The following NTRK2 variants were observed in gnomAD, a reference collection of about 807,000 sequenced individuals.
The protein encoded by NTRK2 is BDNF/NT-3 growth factors receptor.
Under a neutral mutation model 94.5 loss-of-function variants are expected in NTRK2, and 13 were observed. The ratio of observed to expected loss-of-function variants is 0.14; its 90% CI spans 0.09 to 0.22. NTRK2 has a LOEUF of 0.22. Among genes scored for constraint, NTRK2 ranks in the 10% least tolerant of loss-of-function variants. The pLI, the probability that NTRK2 is intolerant of heterozygous loss-of-function variation, is 1.00. For missense variants in NTRK2, 639 were observed against 1,071.2 expected, an observed-to-expected ratio of 0.60 and a Z score of 5.63; for synonymous variants, 372 against 407.4, an observed-to-expected ratio of 0.91 and a Z score of 1.05.
rs1833054633 is a variant in NTRK2 at position 85,026,741 on chromosome 9, T to A, written c.*5304T>A. On this transcript the variant is annotated 3_prime_UTR_variant, in exon 19 of 19. Coordinates refer to ENST00000277120, the MANE Select transcript of NTRK2 (RefSeq NM_006180.6). ...ACACATTTCCATATCTCTCTACAGA[T>A]ATATTTCCCCTTCAATCGTGACCTG... 4.3e-6 allele frequency: 1 copy of A among 233,042 alleles called. No individual in the cohort carries two copies. The highest frequency in any genetic ancestry group is 6.1e-5 in the East Asian group (1 of 16,512). 14.4% of individuals were successfully genotyped at this position (233,042 alleles called of 1,614,324 possible).
At chr9:84,807,834 T>C (rs569949759) in intron 12 of NTRK2, among the ~76,000 whole-genome samples, 1 of 152,336 alleles carries the variant, frequency 6.6e-6, no homozygotes. Context: ...TGAAATCAAA[T>C]TAATTTTTCA....
At position 84,875,887 on chromosome 9, in the gene NTRK2, TAA is replaced by T. The variant is rs1435028226; in HGVS notation, c.1633+8457_1633+8458del. On this transcript the variant is annotated intron_variant, in intron 14 of 18. Coordinates refer to ENST00000277120, the MANE Select transcript of NTRK2 (RefSeq NM_006180.6). The stretch of plus-strand genomic sequence containing the variant: ...GTGTTGATATTTTGCACAGTAATAT[TAA>T]GTTTAAGAGATTATAAAAATGAGTT... 2.3e-5 allele frequency: 24 copies of T among 1,039,110 alleles called. No homozygotes were observed. In the East Asian group the frequency reaches 9.7e-4, roughly 42 times the overall value. 64.4% of individuals were successfully genotyped at this position (1,039,110 alleles called of 1,614,324 possible). A position where few individuals can be genotyped will look rare whatever the true frequency, so the allele number is the denominator to read the frequency against.
At chr9:84,749,467 A>T (rs567411125) in intron 11 of NTRK2, among the ~76,000 whole-genome samples, 124 of 152,318 alleles carry the variant, frequency 8.1e-4, no homozygotes, top group African/African-American at 2.9e-3. Flanking sequence ...TCTCAACCAC[A>T]TGCTTTGCAG....
chr9:84,889,008 T>TTTTTTTTTTG (rs2076512788), intron 14 of NTRK2, among the ~76,000 whole-genome samples: 2 of 113,144 alleles, frequency 1.8e-5, no homozygotes, highest in African/African-American at 6.9e-5. Context: ...TTTTTTTTTT[T>TTTTTTTTTTG]GAGACGGAGT....
chr9:84,746,001 C>T (rs2132398029), intron 11 of NTRK2, among the ~76,000 whole-genome samples: 1 of 152,224 alleles, frequency 6.6e-6, no homozygotes, highest in African/African-American at 2.4e-5. Context: ...ACAGAGCTTC[C>T]TGTGAGCTCT....
intron 5 of NTRK2, 59 bp downstream of exon 5, chr9:84,707,971 G>A (rs894210226): frequency 1.4e-6 from 2 of 1,392,266 alleles, no homozygotes; most frequent in African/African-American, 2.8e-5. Context: ...GGGTAATTAA[G>A]TATTTTTCTT....
chr9:84,683,464 G>T (rs2059516580), intron 2 of NTRK2, among the ~76,000 whole-genome samples: 1 of 152,062 alleles, frequency 6.6e-6, no homozygotes, highest in African/African-American at 2.4e-5. Flanking sequence ...TCCTGTGTTA[G>T]TTTGCTGAGA....
intron 2 of NTRK2, among the ~76,000 whole-genome samples, chr9:84,700,932 A>T (rs2060684118): frequency 1.3e-5 from 2 of 152,130 alleles, no homozygotes; most frequent in Admixed American, 1.3e-4. Context: ...CCATCCATCC[A>T]TCCATCCATC....
rs186260618 is a variant in NTRK2, at chr9:84,758,928, G to A, written c.1396+6843G>A. ...TGAACTTTGCCAGTTCTTTCTTATA[G>A]CATGGGAATATAAACCACACAAAAT... is the stretch of plus-strand genomic sequence containing the variant. On this transcript the variant is annotated intron_variant, in intron 12 of 18. Coordinates refer to ENST00000277120, the MANE Select transcript of NTRK2 (RefSeq NM_006180.6). Among the ~76,000 whole-genome samples, 44 of 152,184 alleles carry A rather than the reference G, an allele frequency of 2.9e-4. No homozygotes were observed. The East Asian group carries it at 7.0e-3, about 24-fold the overall frequency.
At position 84,991,961 on chromosome 9, in the gene NTRK2, G is replaced by A. The variant is rs529006460; in HGVS notation, c.2173-28245G>A. Among the ~76,000 whole-genome samples, 7 of 152,184 alleles carry A rather than the reference G, an allele frequency of 4.6e-5. No individual in the cohort carries two copies. The East Asian group carries it at 1.2e-3, about 25-fold the overall frequency. ...GTCCTGCTGCCACCCCACAACCAGT[G>A]CCTCCTCCTCCTCTGACCTCCTGTC... On this transcript the variant is annotated intron_variant, in intron 17 of 18. Coordinates refer to ENST00000277120, the MANE Select transcript of NTRK2 (RefSeq NM_006180.6).
intron 12 of NTRK2, among the ~76,000 whole-genome samples, chr9:84,804,625 G>A (rs1328728081): frequency 2.6e-5 from 4 of 152,162 alleles, no homozygotes; most frequent in African/African-American, 9.6e-5. Flanking sequence ...ATACTATAAA[G>A]AACTGGCTAG....
At chr9:84,746,409 G>A (rs992125110) in intron 11 of NTRK2, among the ~76,000 whole-genome samples, 16 of 152,114 alleles carry the variant, frequency 1.1e-4, no homozygotes, top group Non-Finnish European at 2.2e-4. Context: ...TGCCTCAGTT[G>A]TTCTTTCCTG....
chr9:84,850,385 G>A (rs776591125), intron 12 of NTRK2, among the ~76,000 whole-genome samples: 55 of 152,132 alleles, frequency 3.6e-4, no homozygotes, highest in Non-Finnish European at 1.6e-4. Context: ...TGAATTAATA[G>A]GAAAATTTGA....
At chr9:84,691,640 G>A (rs1403339187) in intron 2 of NTRK2, among the ~76,000 whole-genome samples, 1 of 152,170 alleles carries the variant, frequency 6.6e-6, no homozygotes, top group African/African-American at 2.4e-5. Flanking sequence ...TACCCTATCT[G>A]AGTATGAAGA....
intron 17 of NTRK2, among the ~76,000 whole-genome samples, chr9:84,974,734 T>C (rs1381561065): frequency 1.3e-5 from 2 of 152,180 alleles, no homozygotes; most frequent in African/African-American, 4.8e-5. Context: ...TTTCCACCCT[T>C]GGTTTCCACC....
At chr9:84,822,170 A>G (rs978927316) in intron 12 of NTRK2, among the ~76,000 whole-genome samples, 2 of 152,152 alleles carry the variant, frequency 1.3e-5, no homozygotes, top group African/African-American at 4.8e-5. Flanking sequence ...AGGCTATTTC[A>G]GGGGGTCTCC....
chr9:84,738,276 A>G (rs1474933471), intron 9 of NTRK2, among the ~76,000 whole-genome samples: 1 of 151,590 alleles, frequency 6.6e-6, no homozygotes, highest in Non-Finnish European at 1.5e-5. Flanking sequence ...CAAGTCAGAT[A>G]CAGCTTCTTT....
At chr9:84,771,585 T>C (rs1228280573) in intron 12 of NTRK2, among the ~76,000 whole-genome samples, 1 of 152,230 alleles carries the variant, frequency 6.6e-6, no homozygotes, top group Non-Finnish European at 1.5e-5. Context: ...AGTTTCTGTA[T>C]GGTGAAGTCA....
chr9:84,800,783 G>A (rs2070335431), intron 12 of NTRK2, among the ~76,000 whole-genome samples: 2 of 152,162 alleles, frequency 1.3e-5, no homozygotes, highest in Admixed American at 6.5e-5. Context: ...GAGGGCACGA[G>A]CCCACCCTGT....
Sources: allele counts gnomAD v4.1 joint callset (sites outside exome capture counted in the v4.1 genomes callset), GRCh38; gene constraint gnomAD v4.1.1; transcripts MANE v1.5; gene names NCBI Gene and HGNC (gene_info 2026-07-23, HGNC 2026-07-21).